The following PKHD1 variants were observed in gnomAD, a reference collection of about 807,000 sequenced individuals.
PKHD1 encodes the protein PKHD1 ciliary IPT domain containing fibrocystin/polyductin.
Under a neutral mutation model 412.0 loss-of-function variants are expected in PKHD1, and 291 were observed. The observed-to-expected ratio is 0.71, with a 90% CI of 0.64 to 0.78. The LOEUF (loss-of-function observed/expected upper bound fraction) is 0.78. PKHD1 is among the 30% of genes least tolerant of loss of function. PKHD1 has a pLI of 0.00. For missense variants in PKHD1, 4,825 were observed against 4,950.7 expected (o/e 0.97, Z 0.76); for synonymous variants, 1,777 against 1,821.5 (o/e 0.98, Z 0.62).
chr6:51,666,458 G>A (rs1253108452), intron 60 of PKHD1, among the ~76,000 whole-genome samples: 3 of 152,190 alleles, frequency 2.0e-5, no homozygotes, highest in East Asian at 1.9e-4. Flanking sequence ...GATGATTGAC[G>A]TTTGTTTTCC....
intron 36 of PKHD1, among the ~76,000 whole-genome samples, chr6:51,945,393 A>C (rs567177880): frequency 1.3e-5 from 2 of 152,260 alleles, no homozygotes; most frequent in South Asian, 4.1e-4. Context: ...TCAGGTCCCA[A>C]ATCTCTCCTA....
In PKHD1 at chr6:52,085,077, G is replaced by A. The variant is rs12194544; in HGVS notation, c.-84-60C>T. 23,211 of 690,520 alleles carry A rather than the reference G, an allele frequency of 0.034. 642 individuals carry two copies. The highest frequency in any genetic ancestry group is 0.084 in the South Asian group (5,405 of 64,688). 42.8% of individuals were successfully genotyped at this position (690,520 alleles called of 1,614,324 possible). A position where few individuals can be genotyped will look rare whatever the true frequency, so the allele number is the denominator to read the frequency against. On this transcript the variant is annotated intron_variant, in intron 1 of 66. Transcript: ENST00000371117. ...CATTTTGTTTACATACGATTATTTT[G>A]CTGTTCTGAAACCTGGGAAATTAAG...
chr6:52,084,434 A>G (rs1812459770), intron 2 of PKHD1, among the ~76,000 whole-genome samples: 1 of 152,250 alleles, frequency 6.6e-6, no homozygotes, highest in Non-Finnish European at 1.5e-5. Flanking sequence ...TGAACAGATG[A>G]TTTGAGATAA....
chr6:51,886,350 AT>A (rs1778216035), intron 44 of PKHD1, among the ~76,000 whole-genome samples: 1 of 152,230 alleles, frequency 6.6e-6, no homozygotes, highest in African/African-American at 2.4e-5. Context: ...CTAGAAAATA[AT>A]GCTAACACAA....
chr6:51,737,727 A>AGTGTGT (rs58089479), intron 60 of PKHD1, among the ~76,000 whole-genome samples: 20 of 149,714 alleles, frequency 1.3e-4, no homozygotes, highest in South Asian at 6.3e-4. Flanking sequence ...TGTGTGTGTG[A>AGTGTGT]GTGTGTGTGT....
intron 5 of PKHD1, among the ~76,000 whole-genome samples, chr6:52,077,033 C>T (rs1359401945): frequency 6.6e-6 from 1 of 152,188 alleles, no homozygotes; most frequent in Admixed American, 6.5e-5. Context: ...TACAATGCCC[C>T]CTGTCCCCAA....
chr6:51,959,649 T>C (rs1791696392), intron 36 of PKHD1, among the ~76,000 whole-genome samples: 1 of 152,018 alleles, frequency 6.6e-6, no homozygotes, highest in Non-Finnish European at 1.5e-5. Context: ...TTTTGAAAAA[T>C]TAAACTAATC....
At chr6:52,040,099 G>A (rs1804605806) in intron 27 of PKHD1, among the ~76,000 whole-genome samples, 1 of 152,136 alleles carries the variant, frequency 6.6e-6, no homozygotes, top group Non-Finnish European at 1.5e-5. Flanking sequence ...CAGGGATTGG[G>A]AAGAGGGAGA....
At chr6:51,859,525 CAAA>C (rs10638642) in intron 48 of PKHD1, among the ~76,000 whole-genome samples, 4 of 114,674 alleles carry the variant, frequency 3.5e-5, no homozygotes, top group Admixed American at 1.1e-4. Context: ...GATTCCGTCC[CAAA>C]AAAAAAAAAA....
At chr6:51,677,735 G>T (rs991850002) in intron 60 of PKHD1, among the ~76,000 whole-genome samples, 3 of 152,082 alleles carry the variant, frequency 2.0e-5, no homozygotes, top group African/African-American at 4.8e-5. Context: ...TTTAATAAAA[G>T]TTGTTGCATT....
At chr6:52,062,460 C>T in intron 14 of PKHD1, 59 bp downstream of exon 14, 1 of 1,547,810 alleles carries the variant, frequency 6.5e-7, no homozygotes, top group Non-Finnish European at 8.9e-7. Context: ...TGTCTCCTAG[C>T]CTCACCTAGG....
rs1338678099 is a variant in PKHD1 at position 51,615,446 on chromosome 6, T to C, written c.*3635A>G. The C allele has an allele frequency of 6.6e-6, 1 of 152,238 alleles. No homozygotes were observed. Among genetic ancestry groups the C allele is most frequent in the Non-Finnish European group, 1.5e-5 (1 of 68,032 alleles). The allele number at this position is 152,238 out of a possible 1,614,324, so 9.4% of individuals were successfully genotyped here. A position where few individuals can be genotyped will look rare whatever the true frequency, so the allele number is the denominator to read the frequency against. On this transcript the variant is annotated 3_prime_UTR_variant, in exon 67 of 67. Transcript: ENST00000371117. Reference sequence around the variant, plus strand: ...TAATTAGTCAAAGTGCTATAGTGTATGTTGAAATCAACAGTTCTATACTCA... The same window carrying C: ...TAATTAGTCAAAGTGCTATAGTGTACGTTGAAATCAACAGTTCTATACTCA...
chr6:51,725,979 T>G (rs1782527135), intron 60 of PKHD1, among the ~76,000 whole-genome samples: 1 of 152,184 alleles, frequency 6.6e-6, no homozygotes, highest in African/African-American at 2.4e-5. Context: ...TCTGGTGGCC[T>G]TGAAAAACAA....
chr6:51,682,493 G>A (rs960067268), intron 60 of PKHD1, among the ~76,000 whole-genome samples: 1 of 152,018 alleles, frequency 6.6e-6, no homozygotes, highest in Non-Finnish European at 1.5e-5. Context: ...CATAAGCCCA[G>A]AATTGGGATG....
chr6:51,657,120 TAAA>T (rs34088582), intron 61 of PKHD1, among the ~76,000 whole-genome samples: 1 of 145,396 alleles, frequency 6.9e-6, no homozygotes, highest in Non-Finnish European at 1.5e-5. Context: ...ATAATAATAA[TAAA>T]AAAAAAAAAA....
chr6:51,910,741 T>TA (rs1782811334), intron 39 of PKHD1, among the ~76,000 whole-genome samples: 1 of 152,136 alleles, frequency 6.6e-6, no homozygotes, highest in Non-Finnish European at 1.5e-5. Context: ...GCAGAATTGA[T>TA]AAAGTTGGGC....
At chr6:51,778,053 T>G (rs972020237) in intron 53 of PKHD1, among the ~76,000 whole-genome samples, 1 of 152,084 alleles carries the variant, frequency 6.6e-6, no homozygotes, top group Non-Finnish European at 1.5e-5. Flanking sequence ...AAAAATGAAA[T>G]GCTTCTTGAA....
chr6:51,700,717 T>C lies in PKHD1; in HGVS notation c.10157-40748A>G, dbSNP rs77278050. Among the ~76,000 whole-genome samples the C allele has an allele frequency of 5.7e-3, 866 of 152,246 alleles. 28 individuals carry two copies. The highest frequency in any genetic ancestry group is 0.014 in the East Asian group (73 of 5,188). On this transcript the variant is annotated intron_variant, in intron 60 of 66. Transcript: ENST00000371117. ...CCATTCTGTATGCACTTAACATTGC[T>C]TTCTTTGGTAAAATGCAGCCCATTA...
intron 27 of PKHD1, among the ~76,000 whole-genome samples, chr6:52,038,592 A>G (rs1804323512): frequency 6.6e-6 from 1 of 152,114 alleles, no homozygotes; most frequent in Non-Finnish European, 1.5e-5. Context: ...AACACTCCTG[A>G]CACCTTCATC....
Sources: gnomAD v4.1 joint callset for allele counts (sites outside exome capture counted in the v4.1 genomes callset) on GRCh38, gnomAD v4.1.1 for gene constraint, MANE v1.5 for transcripts, NCBI Gene and HGNC (gene_info 2026-07-23, HGNC 2026-07-21) for gene names.